Variants in CDC14A observed in about 807,000 individuals in gnomAD.
CDC14A encodes dual specificity protein phosphatase CDC14A.
Under a neutral mutation model 74.4 loss-of-function variants are expected in CDC14A, and 53 were observed. The observed-to-expected ratio is 0.71, with a 90% confidence interval of 0.57 to 0.89. CDC14A has a LOEUF of 0.89. CDC14A is among the 40% of genes least tolerant of loss of function. The pLI, the probability that CDC14A is intolerant of heterozygous loss-of-function variation, is 0.00. For synonymous variants in CDC14A, 247 were observed against 258.4 expected (o/e 0.96, Z 0.43); for missense variants, 646 against 713.7 (o/e 0.91, Z 1.08).
chr1:100,492,973 CT>C (rs1381470351), intron 11 of CDC14A, among the ~76,000 whole-genome samples: 1 of 151,984 alleles, frequency 6.6e-6, no homozygotes, highest in Non-Finnish European at 1.5e-5. Flanking sequence ...CCCTAATTTT[CT>C]TGGATCTCAT....
At chr1:100,488,898 G>A (rs1670334163) in intron 11 of CDC14A, among the ~76,000 whole-genome samples, 1 of 152,130 alleles carries the variant, frequency 6.6e-6, no homozygotes, top group African/African-American at 2.4e-5. Flanking sequence ...ATGCCATTGG[G>A]ATCCACCAGA....
At chr1:100,451,083 T>G (rs1209574335) in intron 7 of CDC14A, among the ~76,000 whole-genome samples, 1 of 152,232 alleles carries the variant, frequency 6.6e-6, no homozygotes, top group Non-Finnish European at 1.5e-5. Flanking sequence ...CCTGATTTGC[T>G]GGGGTTCTTG....
intron 7 of CDC14A, among the ~76,000 whole-genome samples, chr1:100,443,969 T>C (rs1665248580): frequency 6.6e-6 from 1 of 152,220 alleles, no homozygotes; most frequent in South Asian, 2.1e-4. Flanking sequence ...TCTCTATCCT[T>C]AGTAAGATAA....
chr1:100,410,356 C>T (rs964291191), intron 4 of CDC14A, among the ~76,000 whole-genome samples: 5 of 152,070 alleles, frequency 3.3e-5, no homozygotes, highest in Non-Finnish European at 7.4e-5. Context: ...GAGTCTTGCT[C>T]TGTTGCCCAG....
rs1383984977 is a variant in CDC14A at position 100,366,287 on chromosome 1, T to G, written c.141-11259T>G. ...AATATGCTAACTAGTAATGCCTTGC[T>G]CAGAATAGGTAGTCATAAATTTTGT... On this transcript the variant is annotated intron_variant, in intron 2 of 15. Transcript: ENST00000336454. 2.6e-5 allele frequency among the ~76,000 whole-genome samples: 4 copies of G among 152,340 alleles called. No individual in the cohort carries two copies. The East Asian group carries it at 7.7e-4, about 29-fold the overall frequency.
At chr1:100,366,015 A>G (rs746515516) in intron 2 of CDC14A, among the ~76,000 whole-genome samples, 1 of 151,822 alleles carries the variant, frequency 6.6e-6, no homozygotes, top group Non-Finnish European at 1.5e-5. Context: ...CTATTTTAGC[A>G]TTTATCACAT....
At chr1:100,356,817 G>A (rs933753588) in intron 2 of CDC14A, among the ~76,000 whole-genome samples, 13 of 139,856 alleles carry the variant, frequency 9.3e-5, no homozygotes, top group African/African-American at 2.7e-4. Flanking sequence ...CTGAGATTGC[G>A]CCACTGCACT....
chr1:100,452,066 AATCAAC>A (rs1172754553), intron 7 of CDC14A, among the ~76,000 whole-genome samples: 7 of 152,204 alleles, frequency 4.6e-5, no homozygotes, highest in Non-Finnish European at 8.8e-5. Flanking sequence ...TGATATAGGA[AATCAAC>A]CTTGTAATCG....
chr1:100,420,289 C>T (rs989334720), intron 4 of CDC14A, among the ~76,000 whole-genome samples: 1 of 151,096 alleles, frequency 6.6e-6, no homozygotes, highest in Non-Finnish European at 1.5e-5. Context: ...TTAAGAATCT[C>T]CCCTTGTGTA....
intron 5 of CDC14A, among the ~76,000 whole-genome samples, chr1:100,427,899 G>A (rs866510021): frequency 1.3e-5 from 2 of 152,154 alleles, no homozygotes; most frequent in African/African-American, 4.8e-5. Flanking sequence ...TCTGAAATGG[G>A]GGGGTAGGAG....
At chr1:100,499,593 C>A in intron 15 of CDC14A, 1 of 630,376 alleles carries the variant, frequency 1.6e-6, no homozygotes, top group South Asian at 3.1e-5. Context: ...AGTTATGTTT[C>A]CAATCACTCT....
Position 100,416,954 on chromosome 1 carries a change from C to T in CDC14A, c.310-7268C>T, listed in dbSNP as rs191348933. ...ATAAAACGCCCACTATTTGTGCAAT[C>T]GTCCATCATTTTTTGAGTGTGTGCT... On this transcript the variant is annotated intron_variant, in intron 4 of 15. Coordinates refer to ENST00000336454, the MANE Select transcript of CDC14A (RefSeq NM_003672.4). Among the ~76,000 whole-genome samples the T allele has an allele frequency of 7.9e-5, 12 of 152,252 alleles. No homozygotes were observed. The South Asian group carries it at 1.0e-3, about 13-fold the overall frequency.
At chr1:100,440,498 T>C (rs1557762154) in intron 6 of CDC14A, among the ~76,000 whole-genome samples, 1 of 152,170 alleles carries the variant, frequency 6.6e-6, no homozygotes, top group Non-Finnish European at 1.5e-5. Context: ...TTTCTGTATA[T>C]AATGGAGAAG....
chr1:100,423,188 C>T (rs986973306), intron 4 of CDC14A, among the ~76,000 whole-genome samples: 1 of 152,162 alleles, frequency 6.6e-6, no homozygotes, highest in Non-Finnish European at 1.5e-5. Context: ...TCTCCCGCCC[C>T]CTGTCCTCTT....
At chr1:100,383,938 T>G (rs1327586297) in intron 3 of CDC14A, among the ~76,000 whole-genome samples, 1 of 152,176 alleles carries the variant, frequency 6.6e-6, no homozygotes, top group African/African-American at 2.4e-5. Flanking sequence ...TGCATCACCT[T>G]TTGTTATTGA....
intron 11 of CDC14A, among the ~76,000 whole-genome samples, chr1:100,486,835 G>GACT (rs1670066899): frequency 6.6e-6 from 1 of 152,190 alleles, no homozygotes; most frequent in Non-Finnish European, 1.5e-5. Flanking sequence ...TGGGCCCTAG[G>GACT]ACTACTTTAT....
At chr1:100,429,203 C>CAAAA in intron 5 of CDC14A, among the ~76,000 whole-genome samples, 1 of 6,168 alleles carries the variant, frequency 1.6e-4, no homozygotes, top group Middle Eastern at 0.12. Flanking sequence ...GACTCCATCT[C>CAAAA]AAAAAATAAA....
In CDC14A at chr1:100,360,088, G is replaced by A. The variant is rs920308644; in HGVS notation, c.140+6236G>A. The stretch of plus-strand genomic sequence containing the variant: ...CTCCTGAGTAGCTGGGATTACAGGC[G>A]CGCACCACCACACCCAGCTATTTTT... On this transcript the variant is annotated intron_variant, in intron 2 of 15. Transcript: ENST00000336454. Among the ~76,000 whole-genome samples the A allele has an allele frequency of 1.1e-4, 16 of 149,350 alleles. 1 individual carries two copies. Among genetic ancestry groups the A allele is most frequent in the Admixed American group, 8.0e-4 (12 of 14,968 alleles).
chr1:100,361,419 A>G (rs752131389), intron 2 of CDC14A, among the ~76,000 whole-genome samples: 3 of 152,234 alleles, frequency 2.0e-5, no homozygotes, highest in Non-Finnish European at 4.4e-5. Context: ...ACCCAGGGTG[A>G]TAAGCACTGA....
Sources: gnomAD v4.1 joint callset for allele counts (sites outside exome capture counted in the v4.1 genomes callset) on GRCh38, gnomAD v4.1.1 for gene constraint, MANE v1.5 for transcripts, NCBI Gene and HGNC (gene_info 2026-07-23, HGNC 2026-07-21) for gene names.